Variants in GRIA4 observed in about 807,000 individuals in gnomAD.
GRIA4 encodes glutamate ionotropic receptor AMPA type subunit 4.
A neutral mutation model predicts 104.0 loss-of-function variants in GRIA4; 34 were observed. The observed-to-expected ratio is 0.33, with a 90% CI of 0.25 to 0.44. The LOEUF (loss-of-function observed/expected upper bound fraction) is 0.44, where lower values mean the gene tolerates loss of function less well. GRIA4 is among the 20% of genes least tolerant of loss of function. The pLI is 1.00. For missense variants in GRIA4, 750 were observed against 1,096.5 expected (o/e 0.68, Z 4.46); for synonymous variants, 386 against 381.9 (o/e 1.01, Z -0.13).
At chr11:105,675,249 C>T (rs1952500994) in intron 3 of GRIA4, among the ~76,000 whole-genome samples, 1 of 151,752 alleles carries the variant, frequency 6.6e-6, no homozygotes, top group Non-Finnish European at 1.5e-5. Context: ...TCGTAAAAGA[C>T]TAACATTTAT....
intron 3 of GRIA4, among the ~76,000 whole-genome samples, chr11:105,657,395 T>A (rs952005760): frequency 6.6e-6 from 1 of 151,928 alleles, no homozygotes; most frequent in African/African-American, 2.4e-5. Flanking sequence ...CATAAAAAAC[T>A]CTAAAAAGTT....
intron 3 of GRIA4, among the ~76,000 whole-genome samples, chr11:105,697,206 T>G (rs1194098203): frequency 6.6e-6 from 1 of 152,154 alleles, no homozygotes; most frequent in African/African-American, 2.4e-5. Context: ...TTTGGTGGTA[T>G]GAGAAAAGGC....
intron 14 of GRIA4, among the ~76,000 whole-genome samples, chr11:105,949,107 T>C (rs956644736): frequency 6.6e-6 from 1 of 152,194 alleles, no homozygotes; most frequent in Non-Finnish European, 1.5e-5. Flanking sequence ...ATTTTAGCTA[T>C]CTATAATCTC....
intron 14 of GRIA4, among the ~76,000 whole-genome samples, chr11:105,948,773 A>G (rs947684715): frequency 6.0e-5 from 9 of 150,664 alleles, no homozygotes; most frequent in Non-Finnish European, 1.3e-4. Context: ...ACTGAGCTAA[A>G]TTTTTGTATT....
In GRIA4 at chr11:105,971,994, A is replaced by T. The variant is rs1565373531; in HGVS notation, c.2375A>T (p.Lys792Ile). 6.2e-7 allele frequency: 1 copy of T among 1,612,834 alleles called. No homozygotes were observed. The highest frequency in any genetic ancestry group is 8.5e-7 in the Non-Finnish European group (1 of 1,179,048). Reference protein sequence around the residue: ...DKLKNKWWYDKGECGPKDSGS... With the variant: ...DKLKNKWWYDIGECGPKDSGS... ...CTGAAAAACAAATGGTGGTACGATA[A>T]AGGTGAATGTGGACCCAAGGACTCT... The change falls in exon 15 of 17, where the codon AAA becomes ATA. Residue 792 changes from lysine to isoleucine, a missense_variant. This residue lies in a region of GRIA4 where 272 missense variants were observed against 524.5 expected (regional missense o/e 0.52). Coordinates refer to ENST00000282499, the MANE Select transcript of GRIA4 (RefSeq NM_000829.4).
intron 3 of GRIA4, among the ~76,000 whole-genome samples, chr11:105,712,400 T>C (rs1015998823): frequency 4.6e-5 from 7 of 152,128 alleles, no homozygotes; most frequent in African/African-American, 1.7e-4. Flanking sequence ...AAAGGATCTA[T>C]CTATATATAG....
intron 4 of GRIA4, among the ~76,000 whole-genome samples, chr11:105,798,600 C>T (rs1458597786): frequency 6.6e-6 from 1 of 152,000 alleles, no homozygotes; most frequent in Non-Finnish European, 1.5e-5. Context: ...TGGGTGTGGA[C>T]AGAGACACAG....
intron 10 of GRIA4, chr11:105,912,023 C>A: frequency 8.2e-7 from 1 of 1,215,548 alleles, no homozygotes; most frequent in Non-Finnish European, 1.0e-6. Flanking sequence ...CTTGGATGAC[C>A]AACTCTGGAC....
At chr11:105,879,343 T>C (rs1945961125) in intron 5 of GRIA4, among the ~76,000 whole-genome samples, 1 of 152,210 alleles carries the variant, frequency 6.6e-6, no homozygotes, top group South Asian at 2.1e-4. Flanking sequence ...TCGGCCATCT[T>C]GCCCAGGTCC....
chr11:105,864,520 T>C (rs1205870378), intron 5 of GRIA4, among the ~76,000 whole-genome samples: 1 of 152,208 alleles, frequency 6.6e-6, no homozygotes, highest in Non-Finnish European at 1.5e-5. Flanking sequence ...TCTCAGAAGA[T>C]GGTGAAATTA....
chr11:105,779,514 G>T (rs906506321), intron 4 of GRIA4, among the ~76,000 whole-genome samples: 7 of 152,210 alleles, frequency 4.6e-5, no homozygotes, highest in African/African-American at 1.7e-4. Context: ...TGCGGTGTTT[G>T]GTTTTTTGTT....
intron 14 of GRIA4, among the ~76,000 whole-genome samples, chr11:105,955,840 T>C (rs1320612008): frequency 6.6e-6 from 1 of 152,176 alleles, no homozygotes; most frequent in East Asian, 1.9e-4. Context: ...TGGTACCTCA[T>C]TGTGGTTTTG....
chr11:105,824,736 C>G (rs929793206), intron 4 of GRIA4: 2 of 152,098 alleles, frequency 1.3e-5, no homozygotes, highest in African/African-American at 4.8e-5. Flanking sequence ...AGTTATTCCT[C>G]CAGGAAGATC....
At chr11:105,866,545 G>GTATATATATA (rs775973048) in intron 5 of GRIA4, among the ~76,000 whole-genome samples, 11 of 71,240 alleles carry the variant, frequency 1.5e-4, no homozygotes, top group African/African-American at 6.7e-4. Context: ...ATGTGTGTGT[G>GTATATATATA]TGTGTGTATA....
At chr11:105,894,358 A>AC (rs149664155) in intron 6 of GRIA4, among the ~76,000 whole-genome samples, 3,181 of 151,274 alleles carry the variant, frequency 0.021, 88 homozygotes, top group African/African-American at 0.072. Flanking sequence ...GCTTTTCTTC[A>AC]CCCCCCCGAG....
intron 5 of GRIA4, among the ~76,000 whole-genome samples, chr11:105,866,551 GTA>G (rs71041633): frequency 1.3e-3 from 102 of 76,716 alleles, no homozygotes; most frequent in Middle Eastern, 7.4e-3. Flanking sequence ...GTGTGTGTGT[GTA>G]TATATATATA....
chr11:105,919,987 C>T (rs373189749), intron 11 of GRIA4, among the ~76,000 whole-genome samples: 24 of 152,142 alleles, frequency 1.6e-4, no homozygotes, highest in African/African-American at 5.5e-4. Flanking sequence ...ACTCACTTTC[C>T]AAGCCAAAAC....
At chr11:105,845,768 CA>C (rs900482463) in intron 4 of GRIA4, among the ~76,000 whole-genome samples, 10 of 151,944 alleles carry the variant, frequency 6.6e-5, no homozygotes, top group African/African-American at 2.4e-4. Flanking sequence ...CCTGTAGTCC[CA>C]GCTAGTTGGG....
At chr11:105,932,842 C>G (rs545303082) in intron 13 of GRIA4, among the ~76,000 whole-genome samples, 4 of 152,202 alleles carry the variant, frequency 2.6e-5, no homozygotes, top group African/African-American at 7.2e-5. Flanking sequence ...CAGGTTTTGC[C>G]TCTTCCTTTG....
Sources: allele counts gnomAD v4.1 joint callset (sites outside exome capture counted in the v4.1 genomes callset), GRCh38; gene constraint gnomAD v4.1.1; regional missense constraint gnomAD v4.1.1; transcripts MANE v1.5; gene names NCBI Gene and HGNC (gene_info 2026-07-23, HGNC 2026-07-21).